The following FBXW4 variants were observed in gnomAD, a reference collection of about 807,000 sequenced individuals.
FBXW4 encodes F-box and WD repeat domain containing 4.
FBXW4 carries 40 observed loss-of-function variants against 61.8 expected under a neutral mutation model. The observed-to-expected ratio is 0.65, with a 90% confidence interval of 0.50 to 0.84. The LOEUF (loss-of-function observed/expected upper bound fraction) is 0.84, where lower values mean the gene tolerates loss of function less well. Ranked by LOEUF, FBXW4 falls within the 40% of genes least tolerant of loss-of-function variation. The probability of loss-of-function intolerance (pLI) is 0.00; values close to 1 mark genes in which losing one functional copy is unlikely to be tolerated. For missense variants in FBXW4, 672 were observed against 753.8 expected (o/e 0.89, Z 1.27); for synonymous variants, 311 against 313.8 (o/e 0.99, Z 0.10).
intron 5 of FBXW4, among the ~76,000 whole-genome samples, chr10:101,638,516 C>T (rs553279557): frequency 2.7e-4 from 39 of 145,088 alleles, no homozygotes; most frequent in Admixed American, 1.5e-3. Flanking sequence ...AGTAGGATAA[C>T]GGGAGGGGAC....
chr10:101,611,431 AGTG>A lies in FBXW4; in HGVS notation c.1585-24_1585-22del, dbSNP rs2063783018. On this transcript the variant is annotated intron_variant, in intron 8 of 8. Transcript: ENST00000331272. The surrounding 1 kb of genome is among the most constrained non-coding windows in gnomAD (Gnocchi z 4.9). ...AAGGCCTGGAAGGGAGGGCACAGGA[AGTG>A]GTAAGAGCTTTCCAAGTGGGACATG... The A allele has an allele frequency of 1.9e-6, 3 of 1,610,170 alleles. No homozygotes were observed. Among genetic ancestry groups the A allele is most frequent in the Non-Finnish European group, 2.5e-6 (3 of 1,178,162 alleles).
intron 1 of FBXW4, among the ~76,000 whole-genome samples, chr10:101,685,011 T>G (rs2064520617): frequency 6.6e-6 from 1 of 152,094 alleles, no homozygotes; most frequent in Admixed American, 6.5e-5. Context: ...CCCATTCAAC[T>G]CACTTTTCAT....
chr10:101,659,435 G>A, intron 5 of FBXW4: 9 of 985,422 alleles, frequency 9.1e-6, no homozygotes, highest in Non-Finnish European at 9.6e-6. Flanking sequence ...AACAGAAAGA[G>A]AGAAAGGTCC....
At chr10:101,640,251 G>A (rs1267034511) in intron 5 of FBXW4, among the ~76,000 whole-genome samples, 1 of 152,178 alleles carries the variant, frequency 6.6e-6, no homozygotes, top group Non-Finnish European at 1.5e-5. Context: ...TCCCAGTAGG[G>A]GGTGAGGAGA....
intron 5 of FBXW4, among the ~76,000 whole-genome samples, chr10:101,627,342 A>G (rs938032913): frequency 1.3e-5 from 2 of 152,196 alleles, no homozygotes; most frequent in African/African-American, 4.8e-5. Flanking sequence ...GGAGGACTTA[A>G]GAGTTTAATC....
chr10:101,612,830 C>T (rs2063799553), intron 6 of FBXW4, among the ~76,000 whole-genome samples: 1 of 152,160 alleles, frequency 6.6e-6, no homozygotes, highest in African/African-American at 2.4e-5. Context: ...CATGCACACA[C>T]ACACACACAC....
chr10:101,659,291 A>C (rs2064220678), intron 5 of FBXW4: 1 of 740,774 alleles, frequency 1.3e-6, no homozygotes, highest in African/African-American at 1.9e-5. Context: ...ATAGAAGGGC[A>C]AAACACTCAG....
chr10:101,637,939 AT>A (rs2064018821), intron 5 of FBXW4, among the ~76,000 whole-genome samples: 1 of 151,968 alleles, frequency 6.6e-6, no homozygotes, highest in African/African-American at 2.4e-5. Flanking sequence ...GAGTGGCAAA[AT>A]TTTTCAAAAA....
At position 101,611,030 on chromosome 10, in the gene FBXW4, A is replaced by G; in HGVS notation, c.*261T>C. 1 of 376,006 alleles carries G rather than the reference A, an allele frequency of 2.7e-6. No homozygotes were observed. Among genetic ancestry groups the G allele is most frequent in the Non-Finnish European group, 4.9e-6 (1 of 203,812 alleles). 23.3% of individuals were successfully genotyped at this position (376,006 alleles called of 1,614,324 possible). ...GGCCAGATCCTTGCTCTGGCCAAACAGGGACGCAAGGCCCGGGTTCAGCCG... is the reference window on the plus strand; with the variant it reads ...GGCCAGATCCTTGCTCTGGCCAAACGGGGACGCAAGGCCCGGGTTCAGCCG... On this transcript the variant is annotated 3_prime_UTR_variant, in exon 9 of 9. Transcript: ENST00000331272. The surrounding 1 kb of genome is among the most constrained non-coding windows in gnomAD (Gnocchi z 4.9).
At chr10:101,637,302 G>A (rs557410525) in intron 5 of FBXW4, among the ~76,000 whole-genome samples, 1 of 143,546 alleles carries the variant, frequency 7.0e-6, no homozygotes, top group East Asian at 2.2e-4. Context: ...TGAGGCAGGA[G>A]AATGGTGTGA....
intron 4 of FBXW4, 111 bp from the exon 5 acceptor site, chr10:101,668,091 GC>G: frequency 1.2e-6 from 1 of 800,828 alleles, no homozygotes; most frequent in Non-Finnish European, 2.1e-6. Flanking sequence ...AATCCTTTAT[GC>G]CCTGCACACA....
intron 1 of FBXW4, among the ~76,000 whole-genome samples, chr10:101,682,511 C>A (rs978718446): frequency 6.6e-6 from 1 of 152,130 alleles, no homozygotes; most frequent in African/African-American, 2.4e-5. Flanking sequence ...TATCTCTTCT[C>A]TTGAATTAGG....
intron 6 of FBXW4, 114 bp downstream of exon 6, chr10:101,624,631 G>T: frequency 8.8e-7 from 1 of 1,132,660 alleles, no homozygotes; most frequent in Non-Finnish European, 1.3e-6. Context: ...CCTCCTACTA[G>T]ACCACTTCCC....
intron 5 of FBXW4, chr10:101,626,123 G>A (rs1031002418): frequency 1.3e-5 from 2 of 152,328 alleles, no homozygotes; most frequent in African/African-American, 2.4e-5. Context: ...GAGCTATCCT[G>A]GGGCTTTCAT....
chr10:101,686,944 A>T (rs995095516), intron 1 of FBXW4, among the ~76,000 whole-genome samples: 2 of 152,186 alleles, frequency 1.3e-5, no homozygotes, highest in African/African-American at 4.8e-5. Flanking sequence ...CAACTTTTTG[A>T]TGTAGACTTT....
At chr10:101,672,787 C>A (rs2064369733) in intron 4 of FBXW4, 128 bp downstream of exon 4, 3 of 1,143,140 alleles carry the variant, frequency 2.6e-6, no homozygotes, top group Non-Finnish European at 3.6e-6. Flanking sequence ...TAAGTGAGTC[C>A]TTTATTGTGT....
chr10:101,644,212 C>T (rs1304906066), intron 5 of FBXW4, among the ~76,000 whole-genome samples: 2 of 152,180 alleles, frequency 1.3e-5, no homozygotes, highest in African/African-American at 2.4e-5. Context: ...CATGTGGGAA[C>T]GGTGAGCTGG....
intron 5 of FBXW4, among the ~76,000 whole-genome samples, chr10:101,651,599 C>G (rs932288382): frequency 1.3e-5 from 2 of 152,094 alleles, no homozygotes; most frequent in African/African-American, 4.8e-5. Flanking sequence ...TGGCCCTTCT[C>G]TGCCCCCCTC....
At position 101,644,040 on chromosome 10, in the gene FBXW4, C is replaced by T. The variant is rs144230287; in HGVS notation, c.1236-19230G>A. ...GCAATTATTCCCCCCATCCCACATTCGTACCTGGGCTCTCCCCACAGGGGG... is the reference window on the plus strand; with the variant it reads ...GCAATTATTCCCCCCATCCCACATTTGTACCTGGGCTCTCCCCACAGGGGG... On this transcript the variant is annotated intron_variant, in intron 5 of 8. Coordinates refer to ENST00000331272, the MANE Select transcript of FBXW4 (RefSeq NM_022039.4). 2.0e-4 allele frequency among the ~76,000 whole-genome samples: 30 copies of T among 152,352 alleles called. 1 individual carries two copies. The East Asian group carries it at 5.6e-3, about 28-fold the overall frequency.
Sources: gnomAD v4.1 joint callset for allele counts (sites outside exome capture counted in the v4.1 genomes callset) on GRCh38, gnomAD v4.1.1 for gene constraint, Gnocchi (gnomAD v3.1) non-coding constraint, MANE v1.5 for transcripts, NCBI Gene and HGNC (gene_info 2026-07-23, HGNC 2026-07-21) for gene names.